NFATC3: variants seen among roughly 807,000 people sequenced by gnomAD.
NFATC3 encodes the protein nuclear factor of activated T cells 3.
In NFATC3, 46 loss-of-function variants were observed where a neutral mutation model predicts 98.6. The ratio of observed to expected loss-of-function variants is 0.47; its 90% CI spans 0.37 to 0.60. The LOEUF (loss-of-function observed/expected upper bound fraction) is 0.60. NFATC3 is among the 20% of genes least tolerant of loss of function. The pLI is 0.00. For missense variants in NFATC3, 1,256 were observed against 1,295.5 expected (o/e 0.97, Z 0.47); for synonymous variants, 512 against 472.2 (o/e 1.08, Z -1.09).
chr16:68,222,232 G>A (rs1045220378), intron 9 of NFATC3, among the ~76,000 whole-genome samples: 13 of 134,280 alleles, frequency 9.7e-5, no homozygotes, highest in African/African-American at 3.7e-4. Flanking sequence ...AGGCTGCAGT[G>A]AGCCGTGATT....
intron 1 of NFATC3, among the ~76,000 whole-genome samples, chr16:68,120,656 A>G (rs543846964): frequency 6.6e-6 from 1 of 151,572 alleles, no homozygotes; most frequent in Admixed American, 6.6e-5. Flanking sequence ...GACAGGAGGC[A>G]GGAGAATTGC....
intron 2 of NFATC3, among the ~76,000 whole-genome samples, chr16:68,124,255 C>A (rs2036711156): frequency 6.6e-6 from 1 of 151,820 alleles, no homozygotes. Context: ...GCGTATACCA[C>A]CACACTCAAT....
At chr16:68,200,501 T>C (rs1439431936) in intron 9 of NFATC3, 3 of 152,136 alleles carry the variant, frequency 2.0e-5, no homozygotes, top group East Asian at 1.9e-4. Flanking sequence ...CTCATACCAA[T>C]TTTCCAAGCT....
chr16:68,139,431 T>C (rs1285615082), intron 3 of NFATC3, among the ~76,000 whole-genome samples: 1 of 152,184 alleles, frequency 6.6e-6, no homozygotes, highest in East Asian at 1.9e-4. Flanking sequence ...ATAAGATATC[T>C]ACATTGGCAT....
chr16:68,210,267 C>T (rs1305750446), intron 9 of NFATC3, among the ~76,000 whole-genome samples: 1 of 148,314 alleles, frequency 6.7e-6, no homozygotes, highest in Non-Finnish European at 1.5e-5. Flanking sequence ...CACTGCGCTC[C>T]AGCCTGGGCG....
At chr16:68,186,539 C>CAAAACA (rs1167977357) in intron 8 of NFATC3, among the ~76,000 whole-genome samples, 42 of 152,214 alleles carry the variant, frequency 2.8e-4, no homozygotes, top group African/African-American at 7.9e-4. Flanking sequence ...GACTCCATCT[C>CAAAACA]AAAACAAAAA....
At chr16:68,150,679 T>G (rs2151560342) in intron 3 of NFATC3, among the ~76,000 whole-genome samples, 1 of 152,218 alleles carries the variant, frequency 6.6e-6, no homozygotes, top group East Asian at 1.9e-4. Flanking sequence ...TAAACTAAAT[T>G]ATAGTTGATG....
intron 9 of NFATC3, chr16:68,218,130 T>C (rs1366613854): frequency 1.5e-6 from 1 of 683,300 alleles, no homozygotes; most frequent in Admixed American, 6.3e-5. Flanking sequence ...TGCACGATCA[T>C]AGCTTACTGC....
At chr16:68,168,423 A>T (rs2039313403) in intron 5 of NFATC3, among the ~76,000 whole-genome samples, 1 of 147,456 alleles carries the variant, frequency 6.8e-6, no homozygotes, top group Admixed American at 6.7e-5. Context: ...TCAGCCTCCC[A>T]AAGTGCTGGG....
intron 5 of NFATC3, 77 bp downstream of exon 5, chr16:68,167,092 T>C: frequency 6.8e-7 from 1 of 1,478,878 alleles, no homozygotes; most frequent in Non-Finnish European, 9.2e-7. Flanking sequence ...ATGTAATGTA[T>C]GCGTCTGAAG....
chr16:68,175,317 G>A (rs2039640676), intron 6 of NFATC3, among the ~76,000 whole-genome samples: 1 of 152,178 alleles, frequency 6.6e-6, no homozygotes, highest in African/African-American at 2.4e-5. Flanking sequence ...CTTTTGGAGT[G>A]ATGGAAATCT....
At chr16:68,218,596 C>CA (rs749334809) in intron 9 of NFATC3, among the ~76,000 whole-genome samples, 2 of 142,052 alleles carry the variant, frequency 1.4e-5, no homozygotes, top group Non-Finnish European at 3.0e-5. Context: ...TATTTTGAGA[C>CA]AGAGTCTCAC....
chr16:68,190,898 A>T lies in NFATC3; in HGVS notation c.2229A>T (p.Gly743=). 1 of 1,614,222 alleles carries T rather than the reference A, an allele frequency of 6.2e-7. No individual in the cohort carries two copies. Among genetic ancestry groups the T allele is most frequent in the Non-Finnish European group, 8.5e-7 (1 of 1,180,040 alleles). Residue 743 remains glycine (G), a synonymous_variant, in exon 9 of 10, where the codon GGA becomes GGT. Coordinates refer to ENST00000346183, the MANE Select transcript of NFATC3 (RefSeq NM_173165.3). ...SGCSHDSVLS[G]QRSLICSIPQ... ...GTTCACATGACAGTGTACTGTCAGG[A>T]CAGAGAAGTTTGATTTGCTCCATCC...
chr16:68,216,532 T>C (rs2041644357), intron 9 of NFATC3, among the ~76,000 whole-genome samples: 1 of 152,196 alleles, frequency 6.6e-6, no homozygotes, highest in Middle Eastern at 3.4e-3. Context: ...GAAGAGGTTT[T>C]CTTTTTTTTT....
intron 3 of NFATC3, among the ~76,000 whole-genome samples, chr16:68,130,067 T>C (rs1182060443): frequency 2.6e-5 from 4 of 152,220 alleles, no homozygotes; most frequent in Non-Finnish European, 5.9e-5. Flanking sequence ...CGAACACTTA[T>C]TTTGGTTCCA....
At position 68,226,468 on chromosome 16, in the gene NFATC3, C is replaced by G; in HGVS notation, c.3225C>G (p.Leu1075=). 2 of 1,517,566 alleles carry G rather than the reference C, an allele frequency of 1.3e-6. No individual in the cohort carries two copies. The highest frequency in any genetic ancestry group is 1.3e-5 in the South Asian group (1 of 76,666). 94.0% of individuals were successfully genotyped at this position (1,517,566 alleles called of 1,614,324 possible). Residue 1075 remains leucine, a synonymous_variant, in exon 10 of 10, where the codon CTC becomes CTG. Coordinates refer to ENST00000346183, the MANE Select transcript of NFATC3 (RefSeq NM_173165.3). ...ESLDLGRSDG[L] is the part of the protein sequence containing the mutation. ...TGGATTTAGGAAGATCTGATGGGCTCTAACAGTGCTTACTGCAGCCTTGTG... is the reference window on the plus strand; with the variant it reads ...TGGATTTAGGAAGATCTGATGGGCTGTAACAGTGCTTACTGCAGCCTTGTG...
At chr16:68,136,192 GTGC>G (rs1288086888) in intron 3 of NFATC3, among the ~76,000 whole-genome samples, 1 of 152,098 alleles carries the variant, frequency 6.6e-6, no homozygotes, top group South Asian at 2.1e-4. Flanking sequence ...TTGTAGGTTC[GTGC>G]TGCTATTAAT....
chr16:68,111,759 A>G (rs996488999), intron 1 of NFATC3, among the ~76,000 whole-genome samples: 1 of 152,096 alleles, frequency 6.6e-6, no homozygotes, highest in Non-Finnish European at 1.5e-5. Context: ...AGTGGCTGAT[A>G]ATGGTTTTTG....
rs374915959 is a variant in NFATC3, at chr16:68,185,179, G to A, written c.2098+1813G>A. Reference sequence around the variant, plus strand: ...TTTAGTGGAGACGGGGTTTCACCACGTTGGCCAGGCTGGTCTCGAACTCCT... The same window carrying A: ...TTTAGTGGAGACGGGGTTTCACCACATTGGCCAGGCTGGTCTCGAACTCCT... On this transcript the variant is annotated intron_variant, in intron 8 of 9. Transcript: ENST00000346183. Among the ~76,000 whole-genome samples, 255 of 152,158 alleles carry A rather than the reference G, an allele frequency of 1.7e-3. 9 individuals carry two copies. The South Asian group carries it at 0.051, about 30-fold the overall frequency.
Sources: allele counts gnomAD v4.1 joint callset (sites outside exome capture counted in the v4.1 genomes callset), GRCh38; gene constraint gnomAD v4.1.1; transcripts MANE v1.5; gene names NCBI Gene and HGNC (gene_info 2026-07-23, HGNC 2026-07-21).